Variants in METTL15 observed in about 807,000 individuals in gnomAD.
METTL15 encodes the protein 12S rRNA N(4)-cytidine methyltransferase METTL15.
Under a neutral mutation model 38.3 loss-of-function variants are expected in METTL15, and 34 were observed. The ratio of observed to expected loss-of-function variants is 0.89; its 90% confidence interval spans 0.68 to 1.18. METTL15 has a LOEUF of 1.18. Among genes scored for constraint, METTL15 ranks in the 50% most tolerant of loss-of-function variants. METTL15 has a pLI of 0.00. For missense variants in METTL15, 438 were observed against 498.4 expected, an observed-to-expected ratio of 0.88 and a Z score of 1.15; for synonymous variants, 162 against 170.9, an observed-to-expected ratio of 0.95 and a Z score of 0.41.
downstream of METTL15, among the ~76,000 whole-genome samples, chr11:28,335,745 C>A (rs778037016): frequency 5.9e-5 from 9 of 152,150 alleles, no homozygotes; most frequent in Non-Finnish European, 1.0e-4. Flanking sequence ...CCTCTCTTGC[C>A]TTGTGATTAC....
At chr11:28,390,745 G>GT (rs982814999) in intron 5 of METTL15, among the ~76,000 whole-genome samples, 2 of 152,026 alleles carry the variant, frequency 1.3e-5, no homozygotes, top group African/African-American at 2.4e-5. Context: ...CTTTAAAGTA[G>GT]TTTTTTCCAA....
At chr11:28,382,793 C>T (rs1047019212) in intron 5 of METTL15, among the ~76,000 whole-genome samples, 19 of 151,842 alleles carry the variant, frequency 1.3e-4, no homozygotes, top group African/African-American at 4.3e-4. Context: ...CAAGATAGCG[C>T]CACTGCACTG....
At chr11:28,396,349 T>C (rs1850568608) in intron 5 of METTL15, among the ~76,000 whole-genome samples, 2 of 152,088 alleles carry the variant, frequency 1.3e-5, no homozygotes, top group Non-Finnish European at 2.9e-5. Context: ...AAAACCCCAT[T>C]GTCTCAGCCC....
rs78736944 is a variant in METTL15 at position 28,497,576 on chromosome 11, T to G, written c.*425-28902T>G. Reference sequence around the variant, plus strand: ...AACAGAATACCACAGACTGGGTAACTAATAAACCACAGAAATTTATTTCTC... The same window carrying G: ...AACAGAATACCACAGACTGGGTAACGAATAAACCACAGAAATTTATTTCTC... On this transcript the variant is annotated intron_variant and NMD_transcript_variant, in intron 6 of 7. Transcript: ENST00000532947. Among the ~76,000 whole-genome samples the G allele has an allele frequency of 7.9e-5, 12 of 152,318 alleles. No individual in the cohort carries two copies. The South Asian group carries it at 1.9e-3, about 24-fold the overall frequency.
intron 5 of METTL15, among the ~76,000 whole-genome samples, chr11:28,404,418 T>A (rs1850657102): frequency 6.6e-6 from 1 of 152,094 alleles, no homozygotes; most frequent in African/African-American, 2.4e-5. Flanking sequence ...AGCAGATTTG[T>A]TGTCTGGTTA....
chr11:28,412,866 A>T (rs1015388972), intron 5 of METTL15, among the ~76,000 whole-genome samples: 7 of 152,064 alleles, frequency 4.6e-5, no homozygotes, highest in Non-Finnish European at 8.8e-5. Context: ...GGTATTAGAG[A>T]TCTTGTTAAA....
intron 4 of METTL15, among the ~76,000 whole-genome samples, chr11:28,360,769 T>G (rs1394833515): frequency 6.6e-6 from 1 of 151,422 alleles, no homozygotes; most frequent in Non-Finnish European, 1.5e-5. Context: ...TAACTCGTCA[T>G]TTAGCATTAG....
chr11:28,386,550 G>C (rs552538979), intron 5 of METTL15, among the ~76,000 whole-genome samples: 1 of 151,946 alleles, frequency 6.6e-6, no homozygotes, highest in Non-Finnish European at 1.5e-5. Context: ...AAACATGTCT[G>C]TCATTGGAGC....
At chr11:28,514,975 T>C (rs1851707336) in intron 6 of METTL15, among the ~76,000 whole-genome samples, 1 of 152,244 alleles carries the variant, frequency 6.6e-6, no homozygotes, top group Non-Finnish European at 1.5e-5. Context: ...CCAGGTTATC[T>C]GTGACATCTT....
chr11:28,404,725 G>C (rs1183677125), intron 5 of METTL15, among the ~76,000 whole-genome samples: 1 of 152,044 alleles, frequency 6.6e-6, no homozygotes, highest in African/African-American at 2.4e-5. Flanking sequence ...TAAACCATAG[G>C]CCAACGTCGC....
At chr11:28,513,110 C>A (rs1392703179) in intron 6 of METTL15, among the ~76,000 whole-genome samples, 1 of 151,968 alleles carries the variant, frequency 6.6e-6, no homozygotes, top group African/African-American at 2.4e-5. Flanking sequence ...TACAAGAACT[C>A]ACTGCACATT....
chr11:28,439,333 C>A (rs1851013903), intron 6 of METTL15, among the ~76,000 whole-genome samples: 1 of 152,128 alleles, frequency 6.6e-6, no homozygotes. Flanking sequence ...AACCTTCCTG[C>A]TAGCAAAAGA....
At chr11:28,136,903 T>TA (rs201717459) in intron 3 of METTL15, among the ~76,000 whole-genome samples, 63 of 143,442 alleles carry the variant, frequency 4.4e-4, no homozygotes, top group African/African-American at 6.4e-4. Flanking sequence ...AATGATGACT[T>TA]AAAAAAAAAA....
intron 3 of METTL15, among the ~76,000 whole-genome samples, chr11:28,150,397 G>A (rs1051280923): frequency 2.6e-5 from 4 of 151,736 alleles, no homozygotes; most frequent in African/African-American, 9.7e-5. Flanking sequence ...AGGGAAAAAA[G>A]GAATTGGACT....
intron 6 of METTL15, among the ~76,000 whole-genome samples, chr11:28,498,126 C>G (rs998067783): frequency 1.3e-5 from 2 of 151,832 alleles, no homozygotes; most frequent in East Asian, 3.9e-4. Flanking sequence ...TCACTTCCCC[C>G]AAAGTCCCCA....
intron 6 of METTL15, among the ~76,000 whole-genome samples, chr11:28,515,962 T>G (rs937160165): frequency 1.3e-5 from 2 of 152,226 alleles, no homozygotes; most frequent in African/African-American, 4.8e-5. Context: ...TAGACAGCTA[T>G]CTGTTTCTGT....
intron 6 of METTL15, among the ~76,000 whole-genome samples, chr11:28,301,523 T>A (rs570982046): frequency 2.0e-5 from 3 of 152,252 alleles, no homozygotes; most frequent in Non-Finnish European, 4.4e-5. Context: ...CACATGTGGC[T>A]ATAAAGCACT....
At chr11:28,320,696 G>T (rs975151245) in intron 6 of METTL15, among the ~76,000 whole-genome samples, 2 of 152,144 alleles carry the variant, frequency 1.3e-5, no homozygotes, top group African/African-American at 2.4e-5. Context: ...GGTGGCAAGA[G>T]AAATCTAGAA....
At chr11:28,154,279 AT>A (rs910982707) in intron 3 of METTL15, among the ~76,000 whole-genome samples, 2 of 151,632 alleles carry the variant, frequency 1.3e-5, no homozygotes, top group African/African-American at 4.8e-5. Context: ...TTGATTTCCC[AT>A]TTTTTTTGTT....
Sources: gnomAD v4.1 joint callset for allele counts (sites outside exome capture counted in the v4.1 genomes callset) on GRCh38, gnomAD v4.1.1 for gene constraint, MANE v1.5 for transcripts, NCBI Gene and HGNC (gene_info 2026-07-23, HGNC 2026-07-21) for gene names.